Variants in LRRC4C observed in about 807,000 individuals in gnomAD.
LRRC4C encodes the protein leucine-rich repeat-containing protein 4C.
In LRRC4C, 5 loss-of-function variants were observed where a neutral mutation model predicts 33.6. The observed-to-expected ratio is 0.15, with a 90% CI of 0.08 to 0.31. LRRC4C has a LOEUF of 0.31. Among genes scored for constraint, LRRC4C ranks in the 10% least tolerant of loss-of-function variants. The probability of loss-of-function intolerance (pLI) is 1.00; values close to 1 mark genes in which losing one functional copy is unlikely to be tolerated. For missense variants in LRRC4C, 560 were observed against 796.7 expected (o/e 0.70, Z 3.58); for synonymous variants, 329 against 302.0 (o/e 1.09, Z -0.93).
chr11:41,039,054 T>C (rs1362934351), intron 1 of LRRC4C, among the ~76,000 whole-genome samples: 2 of 152,208 alleles, frequency 1.3e-5, no homozygotes, highest in South Asian at 2.1e-4. Context: ...CTAAGATTTT[T>C]ATAGTTTGAG....
chr11:40,805,194 G>A (rs576916536), intron 2 of LRRC4C, among the ~76,000 whole-genome samples: 1 of 152,312 alleles, frequency 6.6e-6, no homozygotes, highest in African/African-American at 2.4e-5. Flanking sequence ...TTGAGAAAAA[G>A]GATGTTTGCT....
intron 5 of LRRC4C, among the ~76,000 whole-genome samples, chr11:40,143,995 C>T (rs773066125): frequency 4.6e-5 from 7 of 152,054 alleles, no homozygotes; most frequent in African/African-American, 1.7e-4. Flanking sequence ...GGGGTGGTAA[C>T]GATAGCTAGA....
At chr11:41,335,145 C>T (rs1308327504) in intron 1 of LRRC4C, among the ~76,000 whole-genome samples, 1 of 152,114 alleles carries the variant, frequency 6.6e-6, no homozygotes, top group East Asian at 1.9e-4. Context: ...ATTTTTGCCC[C>T]ATCACTTATT....
intron 2 of LRRC4C, among the ~76,000 whole-genome samples, chr11:40,762,427 G>A (rs977265834): frequency 6.6e-6 from 1 of 152,072 alleles, no homozygotes; most frequent in Non-Finnish European, 1.5e-5. Context: ...TTGAGTTCTT[G>A]TACATAATCC....
intron 2 of LRRC4C, among the ~76,000 whole-genome samples, chr11:40,655,710 G>A (rs925627359): frequency 1.3e-5 from 2 of 152,168 alleles, no homozygotes; most frequent in African/African-American, 4.8e-5. Flanking sequence ...CCCACGTGAA[G>A]AGTGTGGCTG....
intron 3 of LRRC4C, among the ~76,000 whole-genome samples, chr11:40,528,490 G>T (rs1383742929): frequency 6.6e-6 from 1 of 151,072 alleles, no homozygotes; most frequent in Non-Finnish European, 1.5e-5. Flanking sequence ...AAAAAAAAAA[G>T]AAGTGTAGGC....
intron 3 of LRRC4C, among the ~76,000 whole-genome samples, chr11:40,390,416 A>G (rs191185879): frequency 4.0e-4 from 61 of 152,340 alleles, no homozygotes; most frequent in African/African-American, 1.4e-3. Flanking sequence ...TATCTCTCTC[A>G]GGCTAGGATC....
chr11:41,184,815 C>CA (rs34577485), intron 1 of LRRC4C, among the ~76,000 whole-genome samples: 2,688 of 112,464 alleles, frequency 0.024, 73 homozygotes, highest in African/African-American at 0.08. Flanking sequence ...GGGCAATTTA[C>CA]AAAAAAAAAA....
chr11:41,035,088 T>G (rs1856981924), intron 1 of LRRC4C, among the ~76,000 whole-genome samples: 1 of 151,526 alleles, frequency 6.6e-6, no homozygotes, highest in African/African-American at 2.4e-5. Flanking sequence ...ATTTAATTCA[T>G]GATTTTACCT....
At chr11:40,466,386 A>G (rs1952653444) in intron 3 of LRRC4C, among the ~76,000 whole-genome samples, 1 of 152,016 alleles carries the variant, frequency 6.6e-6, no homozygotes, top group African/African-American at 2.4e-5. Flanking sequence ...CAATGTAACA[A>G]TACTTCCCTC....
intron 3 of LRRC4C, among the ~76,000 whole-genome samples, chr11:40,415,322 A>C (rs1349443989): frequency 1.3e-5 from 2 of 152,290 alleles, no homozygotes; most frequent in East Asian, 3.9e-4. Flanking sequence ...TCTCATTGCT[A>C]TCTTGATAAT....
chr11:40,142,842 C>G (rs1857466051), intron 5 of LRRC4C, among the ~76,000 whole-genome samples: 1 of 152,200 alleles, frequency 6.6e-6, no homozygotes, highest in African/African-American at 2.4e-5. Context: ...GTATATACTA[C>G]TGCTTTTTCA....
chr11:41,308,267 G>A (rs1257515691), intron 1 of LRRC4C, among the ~76,000 whole-genome samples: 3 of 152,036 alleles, frequency 2.0e-5, no homozygotes, highest in Admixed American at 6.5e-5. Context: ...GGAGAAAAAC[G>A]CATACATTCT....
At chr11:40,926,923 A>T (rs1002711553) in intron 2 of LRRC4C, among the ~76,000 whole-genome samples, 3 of 152,196 alleles carry the variant, frequency 2.0e-5, no homozygotes, top group African/African-American at 7.2e-5. Context: ...TCAGGGGAGG[A>T]TCATGAGTGT....
At chr11:40,851,907 G>C (rs1334215500) in intron 2 of LRRC4C, among the ~76,000 whole-genome samples, 3 of 152,162 alleles carry the variant, frequency 2.0e-5, no homozygotes, top group Non-Finnish European at 4.4e-5. Flanking sequence ...CAGAGTTTTA[G>C]TTTTTAATCA....
intron 2 of LRRC4C, among the ~76,000 whole-genome samples, chr11:40,790,679 A>T (rs1047637984): frequency 2.0e-5 from 3 of 152,210 alleles, no homozygotes; most frequent in Non-Finnish European, 2.9e-5. Context: ...TCTGTAAAAC[A>T]TATCTTTCAG....
At chr11:40,483,003 A>G (rs1012904027) in intron 3 of LRRC4C, among the ~76,000 whole-genome samples, 6 of 152,154 alleles carry the variant, frequency 3.9e-5, no homozygotes, top group Non-Finnish European at 7.4e-5. Flanking sequence ...AAGGAGGCTC[A>G]CTCACAAAGA....
intron 4 of LRRC4C, among the ~76,000 whole-genome samples, chr11:40,273,859 T>C (rs1942892611): frequency 6.6e-6 from 1 of 152,160 alleles, no homozygotes; most frequent in Admixed American, 6.6e-5. Flanking sequence ...TTGATTGTTC[T>C]GATGTGGGTG....
At chr11:41,214,573 T>TACAAAAAAAA (rs1946959505) in intron 1 of LRRC4C, among the ~76,000 whole-genome samples, 1 of 19,388 alleles carries the variant, frequency 5.2e-5, no homozygotes, top group Non-Finnish European at 1.0e-4. Flanking sequence ...CTACTAAAAA[T>TACAAAAAAAA]ACAAAAAAAA....
Sources: allele counts gnomAD v4.1 joint callset (sites outside exome capture counted in the v4.1 genomes callset), GRCh38; gene constraint gnomAD v4.1.1; transcripts MANE v1.5; gene names NCBI Gene and HGNC (gene_info 2026-07-23, HGNC 2026-07-21).